Variants in CHRNA7 observed in about 807,000 individuals in gnomAD.
CHRNA7 encodes cholinergic receptor nicotinic alpha 7 subunit.
Under a neutral mutation model 48.0 loss-of-function variants are expected in CHRNA7, and 17 were observed. The ratio of observed to expected loss-of-function variants is 0.35; its 90% CI spans 0.24 to 0.53. CHRNA7 has a LOEUF of 0.53. Among genes scored for constraint, CHRNA7 ranks in the 20% least tolerant of loss-of-function variants. The probability of loss-of-function intolerance (pLI) is 0.92; values close to 1 mark genes in which losing one functional copy is unlikely to be tolerated. For synonymous variants in CHRNA7, 75 were observed against 242.3 expected (o/e 0.31, Z 6.41); for missense variants, 155 against 577.7 (o/e 0.27, Z 7.50).
intron 2 of CHRNA7, among the ~76,000 whole-genome samples, chr15:32,040,410 T>A (rs1378118764): frequency 3.3e-5 from 5 of 152,038 alleles, no homozygotes; most frequent in African/African-American, 9.7e-5. Context: ...TATAGTTCTT[T>A]TTTTACTTTT....
intron 2 of CHRNA7, among the ~76,000 whole-genome samples, chr15:32,076,586 G>A (rs569349907): frequency 3.9e-5 from 6 of 152,076 alleles, no homozygotes; most frequent in Non-Finnish European, 8.8e-5. Context: ...CTTATAGTTT[G>A]GTCATGCTTT....
chr15:32,036,603 C>T (rs1403407703), intron 2 of CHRNA7, among the ~76,000 whole-genome samples: 5 of 152,068 alleles, frequency 3.3e-5, no homozygotes, highest in African/African-American at 1.2e-4. Flanking sequence ...TTGGTGTTGT[C>T]AGTGTTCTAA....
chr15:32,113,137 TG>T (rs1301621581), intron 4 of CHRNA7, among the ~76,000 whole-genome samples: 4 of 152,200 alleles, frequency 2.6e-5, no homozygotes, highest in Non-Finnish European at 5.9e-5. Flanking sequence ...GAAGTTACCC[TG>T]TCACAATTGT....
chr15:32,033,123 A>C (rs937134132), intron 2 of CHRNA7, among the ~76,000 whole-genome samples: 7 of 152,162 alleles, frequency 4.6e-5, no homozygotes, highest in Admixed American at 2.6e-4. Flanking sequence ...TTTATCTCTC[A>C]CCTTAGCCGT....
At chr15:32,049,301 C>G (rs1189849235) in intron 2 of CHRNA7, among the ~76,000 whole-genome samples, 1 of 151,884 alleles carries the variant, frequency 6.6e-6, no homozygotes, top group African/African-American at 2.4e-5. Context: ...GTAGGTCACT[C>G]AGGACTTGCT....
chr15:32,139,484 T>C (rs919602410), intron 4 of CHRNA7, among the ~76,000 whole-genome samples: 1 of 152,252 alleles, frequency 6.6e-6, no homozygotes. Flanking sequence ...CCACCAGCAG[T>C]GTATGAGAGT....
intron 2 of CHRNA7, among the ~76,000 whole-genome samples, chr15:32,083,269 A>T (rs2141235138): frequency 6.6e-6 from 1 of 152,232 alleles, no homozygotes; most frequent in East Asian, 1.9e-4. Context: ...TGGATGTGTT[A>T]AAAAAGTGAG....
chr15:32,114,813 G>T (rs752022186), intron 4 of CHRNA7, among the ~76,000 whole-genome samples: 8 of 152,228 alleles, frequency 5.3e-5, no homozygotes, highest in Non-Finnish European at 1.2e-4. Flanking sequence ...AGGCCCATGT[G>T]GCTGGTTGTC....
intron 4 of CHRNA7, among the ~76,000 whole-genome samples, chr15:32,141,185 TC>T (rs941886580): frequency 9.2e-5 from 14 of 152,236 alleles, no homozygotes; most frequent in Admixed American, 3.9e-4. Context: ...GGAAATCCTT[TC>T]CCCATTTCTT....
At chr15:32,040,618 GTA>G (rs774809874) in intron 2 of CHRNA7, among the ~76,000 whole-genome samples, 3 of 150,384 alleles carry the variant, frequency 2.0e-5, no homozygotes, top group Non-Finnish European at 3.0e-5. Flanking sequence ...GTGTGTGTGT[GTA>G]TATGTATTAT....
intron 4 of CHRNA7, among the ~76,000 whole-genome samples, chr15:32,132,145 T>A (rs1455650413): frequency 6.6e-6 from 1 of 152,100 alleles, no homozygotes; most frequent in Non-Finnish European, 1.5e-5. Flanking sequence ...GCTTTTTCCT[T>A]TGGTGTTTCC....
In CHRNA7 at chr15:32,031,051, G is replaced by T. The variant is rs747413506; in HGVS notation, c.195+14G>T. On this transcript the variant is annotated intron_variant, in intron 2 of 9. Coordinates refer to ENST00000306901, the MANE Select transcript of CHRNA7 (RefSeq NM_000746.6). ...ATCATGGACGTGGTGAGTCCCGCCT[G>T]GCTACAGGGCTGCCCTCTCCCCTTC... is the stretch of plus-strand genomic sequence containing the variant. 4 of 1,613,924 alleles carry T rather than the reference G, an allele frequency of 2.5e-6. No individual in the cohort carries two copies. Among genetic ancestry groups the T allele is most frequent in the Non-Finnish European group, 3.4e-6 (4 of 1,179,916 alleles).
chr15:32,110,035 C>T (rs921108151), intron 3 of CHRNA7, among the ~76,000 whole-genome samples: 2 of 152,220 alleles, frequency 1.3e-5, no homozygotes, highest in Admixed American at 1.3e-4. Flanking sequence ...ACCATGCCCA[C>T]TTTCCAGGGC....
chr15:32,088,519 A>G (rs1211651988), intron 2 of CHRNA7, among the ~76,000 whole-genome samples: 1 of 152,154 alleles, frequency 6.6e-6, no homozygotes, highest in Non-Finnish European at 1.5e-5. Context: ...TCGTCTTCCA[A>G]AGTGGTGGTA....
At chr15:32,032,044 A>G (rs1901866960) in intron 2 of CHRNA7, among the ~76,000 whole-genome samples, 1 of 152,202 alleles carries the variant, frequency 6.6e-6, no homozygotes. Flanking sequence ...AAGAGGTGAT[A>G]TTTCATAATC....
intron 4 of CHRNA7, among the ~76,000 whole-genome samples, chr15:32,126,216 C>G (rs8025554): frequency 0.56 from 84,909 of 151,956 alleles, 24,144 homozygotes; most frequent in East Asian, 0.7. Flanking sequence ...GTAAGCAGAA[C>G]GTAGTATGGA....
intron 2 of CHRNA7, among the ~76,000 whole-genome samples, chr15:32,061,732 C>T (rs1166559871): frequency 2.0e-5 from 3 of 152,052 alleles, no homozygotes; most frequent in Admixed American, 6.6e-5. Flanking sequence ...TGCTTGAACC[C>T]GGGAGGCGGA....
chr15:32,056,291 G>C (rs2049786989), intron 2 of CHRNA7, among the ~76,000 whole-genome samples: 1 of 151,970 alleles, frequency 6.6e-6, no homozygotes, highest in African/African-American at 2.4e-5. Context: ...TGTTGTTTTA[G>C]TGAATTTTTG....
At chr15:32,105,065 TAAAC>T (rs1189995982) in intron 3 of CHRNA7, among the ~76,000 whole-genome samples, 5 of 152,220 alleles carry the variant, frequency 3.3e-5, no homozygotes, top group African/African-American at 1.2e-4. Context: ...GCTCCACAAA[TAAAC>T]ATCCTTGCTT....
Sources: gnomAD v4.1 joint callset for allele counts (sites outside exome capture counted in the v4.1 genomes callset) on GRCh38, gnomAD v4.1.1 for gene constraint, MANE v1.5 for transcripts, NCBI Gene and HGNC (gene_info 2026-07-23, HGNC 2026-07-21) for gene names.